KIAA2012: variants seen among roughly 807,000 people sequenced by gnomAD.
KIAA2012 encodes KIAA2012.
A neutral mutation model predicts 150.6 loss-of-function variants in KIAA2012; 125 were observed. The ratio of observed to expected loss-of-function variants is 0.83; its 90% confidence interval spans 0.72 to 0.96. The LOEUF (loss-of-function observed/expected upper bound fraction) is 0.96, where lower values mean the gene tolerates loss of function less well. KIAA2012 is among the 40% of genes least tolerant of loss of function. The pLI is 0.00. For synonymous variants in KIAA2012, 462 were observed against 504.7 expected, an observed-to-expected ratio of 0.92 and a Z score of 1.13; for missense variants, 1,219 against 1,354.9, an observed-to-expected ratio of 0.90 and a Z score of 1.57.
chr2:202,141,069 A>G (rs1408932674), intron 13 of KIAA2012, among the ~76,000 whole-genome samples: 1 of 152,172 alleles, frequency 6.6e-6, no homozygotes, highest in East Asian at 1.9e-4. Flanking sequence ...GTTGGAGAGA[A>G]AGCCACAGGG....
chr2:202,174,383 G>T (rs990307523), intron 15 of KIAA2012, among the ~76,000 whole-genome samples: 2 of 152,154 alleles, frequency 1.3e-5, no homozygotes, highest in Non-Finnish European at 2.9e-5. Context: ...AAGGAAAGAT[G>T]AAAGGATAGG....
chr2:202,081,628 A>G (rs1575000130), intron 2 of KIAA2012, among the ~76,000 whole-genome samples: 1 of 149,186 alleles, frequency 6.7e-6, no homozygotes, highest in Admixed American at 6.7e-5. Flanking sequence ...GCTCACCACA[A>G]CCTCTGCCTC....
rs757870188 is a variant in KIAA2012, at chr2:202,090,791, C to T, written c.391C>T (p.Gln131Ter). ...RQQGEQDRAWQPYLHFRSQLE... is the reference protein window; with the variant it reads ...RQQGEQDRAW ...ACAGGGAGAGCAGGACAGAGCCTGG[C>T]AACCATACCTCCACTTCCGAAGCCA... The change falls in exon 3 of 24, where the codon CAA becomes TAA. Residue 131 changes from glutamine to a stop codon, truncating the protein, a stop_gained. Transcript: ENST00000498697. LOFTEE classifies it high-confidence loss of function. The T allele has an allele frequency of 1.0e-5, 16 of 1,550,222 alleles. No individual in the cohort carries two copies. The highest frequency in any genetic ancestry group is 1.3e-5 in the Non-Finnish European group (15 of 1,146,834).
chr2:202,099,617 C>G lies in KIAA2012; in HGVS notation c.833C>G (p.Thr278Arg). The change falls in exon 6 of 24, where the codon ACG (threonine) becomes AGG (arginine). Residue 278 changes from threonine to arginine, a missense_variant. Thr to Arg is a moderately conservative substitution (Grantham distance 71). Coordinates refer to ENST00000498697, the MANE Select transcript of KIAA2012 (RefSeq NM_001277372.4). ...WQEDETQAED[T>R]SIENHLCLYA... ...TGTGTATCTGTCGTTCCCTAGGACA[C>G]GTCAATAGAGAATCACCTTTGTTTA... is the stretch of plus-strand genomic sequence containing the variant. 6.5e-7 allele frequency: 1 copy of G among 1,549,248 alleles called. No individual in the cohort carries two copies. Among genetic ancestry groups the G allele is most frequent in the East Asian group, 2.4e-5 (1 of 40,912 alleles).
intron 3 of KIAA2012, 36 bp downstream of exon 3, chr2:202,090,965 C>T (rs1689704872): frequency 6.6e-7 from 1 of 1,516,534 alleles, no homozygotes; most frequent in Non-Finnish European, 8.9e-7. Flanking sequence ...ACACCCCAAA[C>T]TGCCCCACCT....
At chr2:202,131,057 T>A (rs1337903666) in intron 12 of KIAA2012, among the ~76,000 whole-genome samples, 1 of 152,258 alleles carries the variant, frequency 6.6e-6, no homozygotes, top group Non-Finnish European at 1.5e-5. Context: ...ATTGTCTTGG[T>A]TTCCCCATAA....
chr2:202,203,370 A>G (rs1211492974), intron 23 of KIAA2012, among the ~76,000 whole-genome samples: 1 of 152,218 alleles, frequency 6.6e-6, no homozygotes, highest in Non-Finnish European at 1.5e-5. Flanking sequence ...CTAAAACGTA[A>G]TGTCTATTTA....
At chr2:202,194,491 A>AT (rs35979364) in intron 21 of KIAA2012, 129 bp downstream of exon 21, 414,445 of 912,046 alleles carry the variant, frequency 0.45, 98,894 homozygotes, top group African/African-American at 0.5. Context: ...AATATAAACT[A>AT]TTTTTCAAAG....
chr2:202,129,070 C>T (rs911740308), intron 12 of KIAA2012, among the ~76,000 whole-genome samples: 11 of 151,904 alleles, frequency 7.2e-5, no homozygotes, highest in African/African-American at 2.7e-4. Flanking sequence ...GCCAAGATCG[C>T]ACCATTGCAC....
chr2:202,102,148 AC>A (rs529825066), intron 7 of KIAA2012, among the ~76,000 whole-genome samples: 210 of 151,792 alleles, frequency 1.4e-3, no homozygotes, highest in Non-Finnish European at 2.3e-3. Flanking sequence ...TGTTACTACT[AC>A]CCCCAGTGAA....
At chr2:202,139,003 G>A (rs1426635638) in intron 13 of KIAA2012, among the ~76,000 whole-genome samples, 1 of 152,118 alleles carries the variant, frequency 6.6e-6, no homozygotes, top group African/African-American at 2.4e-5. Context: ...TTGCGAGGCT[G>A]AGGCAGGCAG....
At chr2:202,113,529 C>T (rs1277452602) in intron 11 of KIAA2012, 83 bp downstream of exon 11, 1 of 886,510 alleles carries the variant, frequency 1.1e-6, no homozygotes, top group Non-Finnish European at 1.7e-6. Context: ...ATTTTCCCAG[C>T]AGCAGCGACA....
intron 14 of KIAA2012, among the ~76,000 whole-genome samples, chr2:202,159,379 C>CA (rs202173796): frequency 0.11 from 12,419 of 115,254 alleles, 619 homozygotes; most frequent in Admixed American, 0.17. Flanking sequence ...GTTCTATTTC[C>CA]AAAAAAAAAA....
At chr2:202,106,132 A>C in intron 9 of KIAA2012, 36 of 1,262,430 alleles carry the variant, frequency 2.9e-5, no homozygotes, top group Non-Finnish European at 3.4e-5. Context: ...TCCCTAACTC[A>C]TCCCACTGCT....
intron 18 of KIAA2012, 30 bp from the exon 19 acceptor site, chr2:202,190,144 A>G (rs910554999): frequency 1.4e-6 from 2 of 1,479,834 alleles, no homozygotes; most frequent in South Asian, 1.4e-5. Flanking sequence ...TAACTCAGCT[A>G]TATCTCTATC....
chr2:202,102,535 C>A lies in KIAA2012; in HGVS notation c.1156-411C>A, dbSNP rs77001440. Reference sequence around the variant, plus strand: ...TCACAAATGCTATTTCCTGCACCTTCTTAGTGGAAAGCTTGCTCAAACAAT... The same window carrying A: ...TCACAAATGCTATTTCCTGCACCTTATTAGTGGAAAGCTTGCTCAAACAAT... On this transcript the variant is annotated intron_variant, in intron 7 of 23. Coordinates refer to ENST00000498697, the MANE Select transcript of KIAA2012 (RefSeq NM_001277372.4). Among the ~76,000 whole-genome samples, 379 of 152,322 alleles carry A rather than the reference C, an allele frequency of 2.5e-3. 2 individuals are homozygous for A. Among genetic ancestry groups the A allele is most frequent in the African/African-American group, 8.8e-3 (367 of 41,582 alleles).
chr2:202,108,414 A>G (rs1056954384), intron 9 of KIAA2012, among the ~76,000 whole-genome samples: 4 of 152,302 alleles, frequency 2.6e-5, no homozygotes, highest in East Asian at 1.9e-4. Flanking sequence ...TTCTCTATTT[A>G]TACCGATAAT....
At chr2:202,091,266 GGAA>G (rs1389848655) in intron 3 of KIAA2012, among the ~76,000 whole-genome samples, 2 of 152,314 alleles carry the variant, frequency 1.3e-5, no homozygotes, top group Non-Finnish European at 1.5e-5. Flanking sequence ...TACAAGATAA[GGAA>G]GAAGAAGCCC....
intron 20 of KIAA2012, 82 bp downstream of exon 20, chr2:202,193,585 T>C: frequency 7.2e-7 from 1 of 1,386,824 alleles, no homozygotes; most frequent in Non-Finnish European, 9.8e-7. Flanking sequence ...CTAGGGGCAA[T>C]GTTTGGTTCT....
Sources: allele counts gnomAD v4.1 joint callset (sites outside exome capture counted in the v4.1 genomes callset), GRCh38; gene constraint gnomAD v4.1.1; transcripts MANE v1.5; gene names NCBI Gene and HGNC (gene_info 2026-07-23, HGNC 2026-07-21).